Variants in ZSCAN20 observed in about 807,000 individuals in gnomAD.
The protein encoded by ZSCAN20 is zinc finger and SCAN domain containing 20.
In ZSCAN20, 39 loss-of-function variants were observed where a neutral mutation model predicts 97.1. That is an observed-to-expected ratio of 0.40 (90% confidence interval 0.31 to 0.52). The LOEUF (loss-of-function observed/expected upper bound fraction) is 0.52. Among genes scored for constraint, ZSCAN20 ranks in the 20% least tolerant of loss-of-function variants. The pLI is 0.49. For synonymous variants in ZSCAN20, 456 were observed against 467.3 expected, an observed-to-expected ratio of 0.98 and a Z score of 0.31; for missense variants, 1,115 against 1,290.4, an observed-to-expected ratio of 0.86 and a Z score of 2.08.
At position 33,491,490 on chromosome 1, in the gene ZSCAN20, C is replaced by T. The variant is rs769515347; in HGVS notation, c.1232C>T (p.Ala411Val). The T allele has an allele frequency of 3.7e-6, 6 of 1,613,908 alleles. No individual in the cohort carries two copies. In the East Asian group the frequency reaches 1.3e-4, roughly 36 times the overall value. ...FYEELEALVRARTAIRATDGP... is the reference protein window; with the variant it reads ...FYEELEALVRVRTAIRATDGP... The stretch of plus-strand genomic sequence containing the variant: ...GAGGAGCTGGAGGCCCTGGTCAGGG[C>T]TCGGACAGCCATCAGAGCCACAGAT... The change falls in exon 6 of 8, where the codon GCT becomes GTT. Residue 411 changes from alanine to valine, a missense_variant. By Grantham distance (64) the Ala-to-Val change is moderately conservative (BLOSUM62 0). Transcript: ENST00000684572. The surrounding 1 kb of genome is among the most constrained non-coding windows in gnomAD (Gnocchi z 4.3).
rs1270650100 is a variant in ZSCAN20 at position 33,493,513 on chromosome 1, G to A, written c.1771G>A (p.Gly591Arg). 2 of 1,614,136 alleles carry A rather than the reference G, an allele frequency of 1.2e-6. No individual in the cohort carries two copies. Among genetic ancestry groups the A allele is most frequent in the Admixed American group, 3.3e-5 (2 of 60,022 alleles). Reference protein sequence around the residue: ...VREAAGLPRCGQSSAETDAQE... With the variant: ...VREAAGLPRCRQSSAETDAQE... ...AGAGGCTGCAGGTCTCCCTAGGTGT[G>A]GGCAGAGTAGTGCTGAGACTGATGC... The change falls in exon 7 of 8, where the codon GGG becomes AGG. Residue 591 changes from glycine (G) to arginine (R), a missense_variant. Around this residue, in one of 3 missense-constraint regions of ZSCAN20, gnomAD observed 554 missense variants for 584.9 expected, o/e 0.95. Transcript: ENST00000684572. This position sits in a 1 kb window ranked among gnomAD's most constrained non-coding sequence, Gnocchi z 4.3.
chr1:33,484,818 C>T (rs928314444), intron 2 of ZSCAN20, among the ~76,000 whole-genome samples: 3 of 151,828 alleles, frequency 2.0e-5, no homozygotes, highest in African/African-American at 7.3e-5. Context: ...GATGGGGTTT[C>T]ACCATATTGG....
chr1:33,488,767 G>T (rs555010655), intron 3 of ZSCAN20, 116 bp downstream of exon 3: 2 of 1,148,496 alleles, frequency 1.7e-6, no homozygotes, highest in African/African-American at 1.6e-5. Context: ...GGGATAGGCT[G>T]CAGTGTGGTG....
chr1:33,481,662 A>T (rs932747695), intron 2 of ZSCAN20, among the ~76,000 whole-genome samples: 3 of 152,164 alleles, frequency 2.0e-5, no homozygotes, highest in African/African-American at 7.2e-5. Flanking sequence ...AGTCTTAATA[A>T]TGGGATGAAA....
chr1:33,490,935 C>T, intron 5 of ZSCAN20, 90 bp from the exon 6 acceptor site: 1 of 1,278,568 alleles, frequency 7.8e-7, no homozygotes, highest in Non-Finnish European at 1.1e-6. Context: ...TAGCCTCTTG[C>T]AAGGAAAAGA....
intron 2 of ZSCAN20, among the ~76,000 whole-genome samples, chr1:33,488,259 G>A (rs781534864): frequency 7.2e-5 from 11 of 152,152 alleles, no homozygotes; most frequent in East Asian, 1.9e-4. Context: ...CACTTGGATC[G>A]CCACCCTGTG....
chr1:33,483,066 A>G lies in ZSCAN20; in HGVS notation c.417+3361A>G, dbSNP rs540014277. ...TCATAGAGCAGTATTTTTTAATTTT[A>G]ACGAAGTCCAGCTTATCAATTATTT... On this transcript the variant is annotated intron_variant, in intron 2 of 7. Coordinates refer to ENST00000684572, the MANE Select transcript of ZSCAN20 (RefSeq NM_001377376.1). 2.7e-3 allele frequency among the ~76,000 whole-genome samples: 404 copies of G among 152,298 alleles called. 3 individuals carry two copies. Among genetic ancestry groups the G allele is most frequent in the African/African-American group, 9.4e-3 (391 of 41,566 alleles).
In ZSCAN20 at chr1:33,494,924, GA is replaced by G; in HGVS notation, c.2582del (p.Asn861IlefsTer202). On this transcript the variant is annotated frameshift_variant, in exon 8 of 8. Transcript: ENST00000684572. LOFTEE classifies it high-confidence loss of function. ...AACCTCAAAGTATCAGTAAGGACTT[GA>G]ATTCTCCTGGACCACACAGCACAAA... Reference protein sequence around the residue: ...EQPQSISKDLNSPGPHSTNSG... With the variant: ...EQPQSISKDLXSPGPHSTNSG... 4.3e-6 allele frequency: 7 copies of G among 1,614,178 alleles called. No individual in the cohort carries two copies. The highest frequency in any genetic ancestry group is 5.9e-6 in the Non-Finnish European group (7 of 1,180,046).
In ZSCAN20 at chr1:33,488,572, G is replaced by C. The variant is rs900070516; in HGVS notation, c.525G>C (p.Lys175Asn). Residue 175 changes from lysine (K) to asparagine (N), a missense_variant, in exon 3 of 8, where the codon AAG becomes AAC. Physicochemically the swap from Lys to Asn is moderately conservative, Grantham distance 94 (BLOSUM62 0). Around this residue, in one of 3 missense-constraint regions of ZSCAN20, gnomAD observed 508 missense variants for 611.2 expected, o/e 0.83. Coordinates refer to ENST00000684572, the MANE Select transcript of ZSCAN20 (RefSeq NM_001377376.1). Reference sequence around the variant, plus strand: ...CCTGGCCTGAGGGACAGTCCCAGAAGAAGGGGGTGAAGAATACATGCCCTG... The same window carrying C: ...CCTGGCCTGAGGGACAGTCCCAGAACAAGGGGGTGAAGAATACATGCCCTG... ...VDPWPEGQSQ[K>N]KGVKNTCPDL... The C allele has an allele frequency of 6.2e-7, 1 of 1,613,098 alleles. No individual in the cohort carries two copies. Among genetic ancestry groups the C allele is most frequent in the African/African-American group, 1.3e-5 (1 of 74,838 alleles).
At chr1:33,489,441 C>T in intron 4 of ZSCAN20, 77 bp from the exon 5 acceptor site, 1 of 1,445,318 alleles carries the variant, frequency 6.9e-7, no homozygotes, top group Non-Finnish European at 9.7e-7. Context: ...ATCATCTTTC[C>T]TGGGAGCCTG....
chr1:33,473,358 G>C (rs1278584714), intron 1 of ZSCAN20, among the ~76,000 whole-genome samples: 1 of 151,928 alleles, frequency 6.6e-6, no homozygotes, highest in Non-Finnish European at 1.5e-5. Flanking sequence ...TAGGGTTTTC[G>C]CAGAAGCCTT....
rs57345949 is a variant in ZSCAN20 at position 33,490,684 on chromosome 1, C to CACACACACACA, written c.767-341_767-340insACACACACACA. Among the ~76,000 whole-genome samples, 342 of 127,986 alleles carry CACACACACACA rather than the reference C, an allele frequency of 2.7e-3. 1 individual carries two copies. The highest frequency in any genetic ancestry group is 7.2e-3 in the African/African-American group (260 of 36,074). 84.0% of individuals were successfully genotyped at this position (127,986 alleles called of 152,430 possible). On this transcript the variant is annotated intron_variant, in intron 5 of 7. Coordinates refer to ENST00000684572, the MANE Select transcript of ZSCAN20 (RefSeq NM_001377376.1). ...ACACACACACACACACACACACACA[C>CACACACACACA]CACACACCCTTTTCCTCCAGCCATG... is the stretch of plus-strand genomic sequence containing the variant.
At position 33,494,863 on chromosome 1, in the gene ZSCAN20, AC is replaced by A; in HGVS notation, c.2520del (p.Trp841GlyfsTer20). ...GCCCAAAGCCCATCTTTTAGTGCTCACTGGAGGAATTCTACAGAAGAGACAG... is the reference window on the plus strand; with the variant it reads ...GCCCAAAGCCCATCTTTTAGTGCTCATGGAGGAATTCTACAGAAGAGACAG... ...NFAQSPSFSA[H>X]WRNSTEETAP... On this transcript the variant is annotated frameshift_variant, in exon 8 of 8. Transcript: ENST00000684572. LOFTEE classifies it high-confidence loss of function. The A allele has an allele frequency of 6.2e-7, 1 of 1,614,226 alleles. No homozygotes were observed. The highest frequency in any genetic ancestry group is 8.5e-7 in the Non-Finnish European group (1 of 1,180,032).
chr1:33,485,433 G>A (rs186128401), intron 2 of ZSCAN20, among the ~76,000 whole-genome samples: 15 of 151,706 alleles, frequency 9.9e-5, no homozygotes, highest in East Asian at 3.9e-4. Flanking sequence ...TTTTTGAGAC[G>A]GGTTCTTTCT....
intron 5 of ZSCAN20, 65 bp downstream of exon 5, chr1:33,489,667 G>A (rs1176318329): frequency 2.0e-5 from 29 of 1,471,900 alleles, no homozygotes; most frequent in African/African-American, 5.6e-5. Flanking sequence ...TCCCAAAGAG[G>A]GTTTTGCCGC....
chr1:33,479,753 G>A, intron 2 of ZSCAN20, 48 bp downstream of exon 2: 1 of 1,449,002 alleles, frequency 6.9e-7, no homozygotes, highest in Non-Finnish European at 9.1e-7. Flanking sequence ...AGGCAAGGCA[G>A]CAGGGTTGTG....
chr1:33,484,762 C>T (rs1338345824), intron 2 of ZSCAN20, among the ~76,000 whole-genome samples: 1 of 151,984 alleles, frequency 6.6e-6, no homozygotes, highest in African/African-American at 2.4e-5. Flanking sequence ...GCTGGGACTA[C>T]AGGCATCTGC....
intron 5 of ZSCAN20, 73 bp from the exon 6 acceptor site, chr1:33,490,952 T>G: frequency 7.1e-7 from 1 of 1,406,524 alleles, no homozygotes; most frequent in Non-Finnish European, 9.6e-7. Context: ...AAGATAGAAG[T>G]TTCAGGGAGA....
At chr1:33,486,146 GTTC>G (rs1352562327) in intron 2 of ZSCAN20, among the ~76,000 whole-genome samples, 2 of 152,136 alleles carry the variant, frequency 1.3e-5, no homozygotes, top group Non-Finnish European at 2.9e-5. Flanking sequence ...TTTCAAAATG[GTTC>G]TTTTTTCCTG....
Sources: gnomAD v4.1 joint callset for allele counts (sites outside exome capture counted in the v4.1 genomes callset) on GRCh38, gnomAD v4.1.1 for gene constraint, gnomAD v4.1.1 regional missense constraint, Gnocchi (gnomAD v3.1) non-coding constraint, MANE v1.5 for transcripts, NCBI Gene and HGNC (gene_info 2026-07-23, HGNC 2026-07-21) for gene names.